The following ANKH variants were observed in gnomAD, a reference collection of about 807,000 sequenced individuals.
ANKH encodes the protein mineralization regulator ANKH.
A neutral mutation model predicts 49.0 loss-of-function variants in ANKH; 15 were observed. The ratio of observed to expected loss-of-function variants is 0.31; its 90% CI spans 0.20 to 0.47. The LOEUF (loss-of-function observed/expected upper bound fraction) is 0.47, where lower values mean the gene tolerates loss of function less well. Among genes scored for constraint, ANKH ranks in the 20% least tolerant of loss-of-function variants. The probability of loss-of-function intolerance (pLI) is 1.00; values close to 1 mark genes in which losing one functional copy is unlikely to be tolerated. For missense variants in ANKH, 429 were observed against 652.0 expected (o/e 0.66, Z 3.72); for synonymous variants, 273 against 260.0 (o/e 1.05, Z -0.48).
chr5:14,744,900 G>A (rs1045463346), intron 7 of ANKH, among the ~76,000 whole-genome samples: 1 of 152,202 alleles, frequency 6.6e-6, no homozygotes, highest in Non-Finnish European at 1.5e-5. Flanking sequence ...AGGGCTTCCC[G>A]TGCCCAGGAG....
Position 14,741,891 on chromosome 5 carries a change from C to G in ANKH, c.947G>C (p.Ser316Thr). The G allele has an allele frequency of 6.2e-7, 1 of 1,614,152 alleles. No homozygotes were observed. The highest frequency in any genetic ancestry group is 8.5e-7 in the Non-Finnish European group (1 of 1,180,018). The change falls in exon 8 of 12, where the codon AGC (serine) becomes ACC (threonine). Residue 316 changes from serine to threonine, a missense_variant. Transcript: ENST00000284268. ...NNPSNKLVST[S>T]NTVTAAHIKK... ...GATGTGGGCTGCCGTGACTGTGTTG[C>G]TCGTGCTCACCAGTTTGTTGCTGGG... is the stretch of plus-strand genomic sequence containing the variant.
intron 1 of ANKH, among the ~76,000 whole-genome samples, chr5:14,798,631 C>T (rs1403129039): frequency 6.6e-6 from 1 of 152,058 alleles, no homozygotes; most frequent in Non-Finnish European, 1.5e-5. Context: ...ATATTTCAAA[C>T]TTTTTCATTA....
At position 14,769,033 on chromosome 5, in the gene ANKH, T is replaced by C. The variant is rs138113627; in HGVS notation, c.255A>G (p.Lys85=). The change falls in exon 2 of 12, where the codon AAA becomes AAG. Residue 85 remains lysine (K), a synonymous_variant. Coordinates refer to ENST00000284268, the MANE Select transcript of ANKH (RefSeq NM_054027.6). ...CTGCCACCACCATACACAGGACGGC[T>C]TTGGTCCTGTCTCTCTTGCTGTTCA... ...VFVNSKRDRT[K]AVLCMVVAGA... is the part of the protein sequence containing the mutation. 37 of 1,614,116 alleles carry C rather than the reference T, an allele frequency of 2.3e-5. No homozygotes were observed. In the African/African-American group the frequency reaches 4.1e-4, roughly 18 times the overall value.
At chr5:14,764,296 T>G (rs1415860357) in intron 2 of ANKH, among the ~76,000 whole-genome samples, 1 of 152,050 alleles carries the variant, frequency 6.6e-6, no homozygotes, top group East Asian at 1.9e-4. Flanking sequence ...GTGGGCCCGT[T>G]CTGATTCCTG....
intron 8 of ANKH, among the ~76,000 whole-genome samples, chr5:14,739,223 C>T (rs1738278367): frequency 6.6e-6 from 1 of 152,128 alleles, no homozygotes; most frequent in Non-Finnish European, 1.5e-5. Flanking sequence ...TCGAGACCAG[C>T]CTGGCCGATA....
In ANKH at chr5:14,841,057, A is replaced by G. The variant is rs1028875734; in HGVS notation, c.96+30295T>C. 2.0e-5 allele frequency among the ~76,000 whole-genome samples: 3 copies of G among 152,224 alleles called. No individual in the cohort carries two copies. The South Asian group carries it at 6.2e-4, about 31-fold the overall frequency. ...TTGAGCGGGGATATATATGACTAAT[A>G]TGTATGAGGATACTAATTGTCACTA... On this transcript the variant is annotated intron_variant, in intron 1 of 11. Transcript: ENST00000284268.
intron 1 of ANKH, among the ~76,000 whole-genome samples, chr5:14,839,181 C>T (rs777860596): frequency 1.1e-4 from 16 of 152,062 alleles, no homozygotes; most frequent in East Asian, 3.9e-4. Flanking sequence ...GCAGCCATAG[C>T]GACCACAGCA....
chr5:14,757,430 A>ATATATATATTTTTTTTTTTTTTT (rs1379233165), intron 3 of ANKH, among the ~76,000 whole-genome samples: 1 of 113,818 alleles, frequency 8.8e-6, no homozygotes, highest in African/African-American at 3.3e-5. Context: ...ATATATATAT[A>ATATATATATTTTTTTTTTTTTTT]TTTTTTTTTT....
chr5:14,789,989 C>T (rs1239972309), intron 1 of ANKH, among the ~76,000 whole-genome samples: 5 of 152,244 alleles, frequency 3.3e-5, no homozygotes, highest in Admixed American at 6.5e-5. Context: ...GGATTACAGG[C>T]GTGAGCCACC....
rs61161688 is a variant in ANKH, at chr5:14,766,867, G to A, written c.313+2108C>T. Among the ~76,000 whole-genome samples the A allele has an allele frequency of 7.5e-3, 1,138 of 152,236 alleles. 15 individuals carry two copies. The highest frequency in any genetic ancestry group is 0.026 in the African/African-American group (1,063 of 41,530). On this transcript the variant is annotated intron_variant, in intron 2 of 11. Transcript: ENST00000284268. ...GGAAGACTGCTTGAAATCATACAAT[G>A]GCTTTTCGAGTCAAATATACTTGGA... is the stretch of plus-strand genomic sequence containing the variant.
chr5:14,829,209 A>G (rs1002390949), intron 1 of ANKH, among the ~76,000 whole-genome samples: 3 of 147,048 alleles, frequency 2.0e-5, no homozygotes, highest in African/African-American at 5.0e-5. Context: ...AAAAAAAAAA[A>G]GCAATTTCAA....
chr5:14,804,315 G>A (rs77669681), intron 1 of ANKH, among the ~76,000 whole-genome samples: 1,952 of 152,248 alleles, frequency 0.013, 46 homozygotes, highest in African/African-American at 0.045. Context: ...CCAGCTCTGC[G>A]CCTCCGTCTT....
chr5:14,759,005 C>T (rs1409162683), intron 2 of ANKH, among the ~76,000 whole-genome samples: 1 of 152,194 alleles, frequency 6.6e-6, no homozygotes, highest in Non-Finnish European at 1.5e-5. Flanking sequence ...GAGGTGGTTT[C>T]CATCATTTTG....
chr5:14,817,831 T>C (rs551381083), intron 1 of ANKH, among the ~76,000 whole-genome samples: 2 of 152,066 alleles, frequency 1.3e-5, no homozygotes, highest in South Asian at 2.1e-4. Context: ...TAAAAGCTAA[T>C]GCAAAAAGGA....
chr5:14,810,936 C>T (rs1008524308), intron 1 of ANKH, among the ~76,000 whole-genome samples: 2 of 152,094 alleles, frequency 1.3e-5, no homozygotes, highest in African/African-American at 4.8e-5. Flanking sequence ...CTCTCATTTC[C>T]ATCGTGACAA....
chr5:14,741,787 CCAAA>C (rs754869218), intron 8 of ANKH, 36 bp downstream of exon 8: 22 of 1,543,046 alleles, frequency 1.4e-5, no homozygotes, highest in South Asian at 2.2e-5. Context: ...TTTACAAAAA[CCAAA>C]CAGAGAGAAG....
chr5:14,829,184 C>CAAAAAAAAA (rs56223225), intron 1 of ANKH, among the ~76,000 whole-genome samples: 2 of 106,022 alleles, frequency 1.9e-5, no homozygotes, highest in African/African-American at 3.5e-5. Context: ...GACTCTGTCT[C>CAAAAAAAAA]AAAAAAAAAA....
At chr5:14,777,874 G>C (rs1453670269) in intron 1 of ANKH, among the ~76,000 whole-genome samples, 1 of 152,204 alleles carries the variant, frequency 6.6e-6, no homozygotes, top group Non-Finnish European at 1.5e-5. Context: ...GCCCACCCCG[G>C]CCACAGTAAC....
chr5:14,776,191 G>A (rs1739616133), intron 1 of ANKH, among the ~76,000 whole-genome samples: 1 of 152,344 alleles, frequency 6.6e-6, no homozygotes, highest in Admixed American at 6.5e-5. Flanking sequence ...TTGAGTCACT[G>A]ATCAAGTGCT....
Sources: allele counts gnomAD v4.1 joint callset (sites outside exome capture counted in the v4.1 genomes callset), GRCh38; gene constraint gnomAD v4.1.1; transcripts MANE v1.5; gene names NCBI Gene and HGNC (gene_info 2026-07-23, HGNC 2026-07-21).